PCDHGA9: variants seen among roughly 807,000 people sequenced by gnomAD.
PCDHGA9 encodes the protein protocadherin gamma-A9.
In PCDHGA9, 37 loss-of-function variants were observed where a neutral mutation model predicts 62.5. That is an observed-to-expected ratio of 0.59 (90% CI 0.46 to 0.78). PCDHGA9 has a LOEUF of 0.78. PCDHGA9 is among the 30% of genes least tolerant of loss of function. The probability of loss-of-function intolerance (pLI) is 0.00; values close to 1 mark genes in which losing one functional copy is unlikely to be tolerated. For synonymous variants in PCDHGA9, 459 were observed against 484.6 expected, an observed-to-expected ratio of 0.95 and a Z score of 0.69; for missense variants, 1,138 against 1,166.2, an observed-to-expected ratio of 0.98 and a Z score of 0.35.
intron 1 of PCDHGA9, chr5:141,415,110 C>A: frequency 6.2e-7 from 1 of 1,613,666 alleles, no homozygotes; most frequent in Middle Eastern, 1.7e-4. Flanking sequence ...TCAAGCAAAG[C>A]CTCGTAGTGG....
chr5:141,408,921 C>T (rs1228341286), intron 1 of PCDHGA9: 2 of 1,613,462 alleles, frequency 1.2e-6, no homozygotes, highest in African/African-American at 1.3e-5. Flanking sequence ...GATAACCCCC[C>T]GGTTTTCAGC....
At chr5:141,447,675 C>T (rs1416110491) in intron 1 of PCDHGA9, among the ~76,000 whole-genome samples, 13 of 152,064 alleles carry the variant, frequency 8.5e-5, no homozygotes, top group Admixed American at 8.5e-4. Context: ...TAGAACTGTT[C>T]CATATCTTGA....
At chr5:141,498,919 C>T (rs897611505) in intron 2 of PCDHGA9, among the ~76,000 whole-genome samples, 34 of 122,310 alleles carry the variant, frequency 2.8e-4, no homozygotes, top group African/African-American at 3.4e-4. Flanking sequence ...GGTGACAGAG[C>T]GAGACTCCAT....
At chr5:141,458,438 C>T (rs2098945825) in intron 1 of PCDHGA9, among the ~76,000 whole-genome samples, 1 of 152,024 alleles carries the variant, frequency 6.6e-6, no homozygotes, top group Non-Finnish European at 1.5e-5. Flanking sequence ...GAGGAGGTCC[C>T]CCACATTAAC....
At position 141,491,725 on chromosome 5, in the gene PCDHGA9, G is replaced by A. The variant is rs1008933711; in HGVS notation, c.2425-3082G>A. The A allele has an allele frequency of 6.2e-7, 1 of 1,606,496 alleles. No homozygotes were observed. The highest frequency in any genetic ancestry group is 1.3e-5 in the African/African-American group (1 of 74,728). On this transcript the variant is annotated intron_variant, in intron 1 of 3. Coordinates refer to ENST00000573521, the MANE Select transcript of PCDHGA9 (RefSeq NM_018921.3). The surrounding 1 kb of genome is among the most constrained non-coding windows in gnomAD (Gnocchi z 6.9). ...GGTGAGGGGCTCGGCGCCGCCCCGGGCGACCCCTGGGGGCGGCACTGGAGA... is the reference window on the plus strand; with the variant it reads ...GGTGAGGGGCTCGGCGCCGCCCCGGACGACCCCTGGGGGCGGCACTGGAGA...
rs776718024 is a variant in PCDHGA9 at position 141,486,333 on chromosome 5, T to C, written c.2425-8474T>C. 8.1e-6 allele frequency: 13 copies of C among 1,614,080 alleles called. No individual in the cohort carries two copies. Among genetic ancestry groups the C allele is most frequent in the Non-Finnish European group, 1.1e-5 (13 of 1,179,998 alleles). On this transcript the variant is annotated intron_variant, in intron 1 of 3. Coordinates refer to ENST00000573521, the MANE Select transcript of PCDHGA9 (RefSeq NM_018921.3). The surrounding 1 kb of genome is among the most constrained non-coding windows in gnomAD (Gnocchi z 5.0). ...TCAGGGTCAAACGGAGATGTGAGCC[T>C]CCGCATTCCTGACCACTTGCCATTT...
intron 1 of PCDHGA9, among the ~76,000 whole-genome samples, chr5:141,463,489 C>T (rs1190438683): frequency 7.2e-6 from 1 of 138,270 alleles, no homozygotes; most frequent in African/African-American, 2.8e-5. Context: ...CGCTCTGTCA[C>T]CCAGGCTGGA....
chr5:141,499,260 G>T (rs2099790657), intron 2 of PCDHGA9, among the ~76,000 whole-genome samples: 1 of 152,028 alleles, frequency 6.6e-6, no homozygotes, highest in African/African-American at 2.4e-5. Context: ...GTCTCCATTT[G>T]GTCCCTAGAC....
rs1334965321 is a variant in PCDHGA9, at chr5:141,432,195, C to T, written c.2424+26819C>T. 3 of 1,614,088 alleles carry T rather than the reference C, an allele frequency of 1.9e-6. No homozygotes were observed. The Admixed American group carries it at 5.0e-5, about 27-fold the overall frequency. ...CTCGTCTCTGTGACCGCCCACGACC[C>T]CGACTGTGAAGAGAACGCCCAGATC... On this transcript the variant is annotated intron_variant, in intron 1 of 3. Transcript: ENST00000573521. This position sits in a 1 kb window ranked among gnomAD's most constrained non-coding sequence, Gnocchi z 6.0.
intron 1 of PCDHGA9, chr5:141,409,922 T>C (rs752487198): frequency 1.2e-6 from 2 of 1,613,182 alleles, no homozygotes; most frequent in African/African-American, 2.7e-5. Context: ...CGGCTCCGCG[T>C]TCTTCGATAT....
At chr5:141,504,306 G>A (rs2099837315) in intron 2 of PCDHGA9, among the ~76,000 whole-genome samples, 1 of 152,076 alleles carries the variant, frequency 6.6e-6, no homozygotes, top group South Asian at 2.1e-4. Context: ...AACACTCGGA[G>A]TTTCTAAAAG....
Position 141,477,554 on chromosome 5 carries a change from A to T in PCDHGA9, c.2425-17253A>T. The T allele has an allele frequency of 6.2e-7, 1 of 1,614,112 alleles. No homozygotes were observed. Among genetic ancestry groups the T allele is most frequent in the South Asian group, 1.1e-5 (1 of 91,086 alleles). Reference sequence around the variant, plus strand: ...CCCCGGGGCTCCAATACTAAACCTAAGTGTCTGGGACCCCGACGCCCCGCA... The same window carrying T: ...CCCCGGGGCTCCAATACTAAACCTATGTGTCTGGGACCCCGACGCCCCGCA... On this transcript the variant is annotated intron_variant, in intron 1 of 3. Transcript: ENST00000573521. This position sits in a 1 kb window ranked among gnomAD's most constrained non-coding sequence, Gnocchi z 4.9.
At chr5:141,415,490 T>C in intron 1 of PCDHGA9, 2 of 1,614,228 alleles carry the variant, frequency 1.2e-6, no homozygotes, top group Admixed American at 3.3e-5. Flanking sequence ...AAGAGTCACC[T>C]GATCTTCCCC....
At chr5:141,444,873 C>T (rs1298516499) in intron 1 of PCDHGA9, among the ~76,000 whole-genome samples, 1 of 152,080 alleles carries the variant, frequency 6.6e-6, no homozygotes, top group African/African-American at 2.4e-5. Flanking sequence ...CAGGACAAAG[C>T]TTGTAGGATT....
intron 3 of PCDHGA9, among the ~76,000 whole-genome samples, chr5:141,510,657 G>A (rs1388054630): frequency 6.6e-6 from 1 of 152,156 alleles, no homozygotes; most frequent in Non-Finnish European, 1.5e-5. Context: ...CCATTTTGCA[G>A]ATGAGAAAAC....
intron 1 of PCDHGA9, among the ~76,000 whole-genome samples, chr5:141,449,056 G>A (rs149442150): frequency 6.6e-6 from 1 of 152,068 alleles, no homozygotes; most frequent in African/African-American, 2.4e-5. Flanking sequence ...TCATAAATGA[G>A]CGCTATTGAA....
intron 2 of PCDHGA9, among the ~76,000 whole-genome samples, chr5:141,499,879 G>C (rs1470090790): frequency 9.2e-5 from 14 of 151,952 alleles, no homozygotes. Flanking sequence ...GTACAAACAG[G>C]GTTTCGCCAT....
At chr5:141,430,652 A>G in intron 1 of PCDHGA9, 1 of 1,069,464 alleles carries the variant, frequency 9.4e-7, no homozygotes. Context: ...ATGTGGAAAC[A>G]ACGGAGGAGC....
At chr5:141,488,738 ATGCAGGAAGT>A (rs771423337) in intron 1 of PCDHGA9, among the ~76,000 whole-genome samples, 1 of 152,222 alleles carries the variant, frequency 6.6e-6, no homozygotes, top group Non-Finnish European at 1.5e-5. Flanking sequence ...TTCTGAAGTC[ATGCAGGAAGT>A]TGCTGGGACA....
Sources: gnomAD v4.1 joint callset for allele counts (sites outside exome capture counted in the v4.1 genomes callset) on GRCh38, gnomAD v4.1.1 for gene constraint, Gnocchi (gnomAD v3.1) non-coding constraint, MANE v1.5 for transcripts, NCBI Gene and HGNC (gene_info 2026-07-23, HGNC 2026-07-21) for gene names.